The following RBFOX3 variants were observed in gnomAD, a reference collection of about 807,000 sequenced individuals.
RBFOX3 encodes RNA binding fox-1 homolog 3.
Under a neutral mutation model 48.7 loss-of-function variants are expected in RBFOX3, and 17 were observed. That is an observed-to-expected ratio of 0.35 (90% CI 0.24 to 0.52). RBFOX3 has a LOEUF of 0.52. Ranked by LOEUF, RBFOX3 falls within the 20% of genes least tolerant of loss-of-function variation. The pLI is 0.94. For missense variants in RBFOX3, 382 were observed against 497.5 expected, an observed-to-expected ratio of 0.77 and a Z score of 2.21; for synonymous variants, 212 against 209.5, an observed-to-expected ratio of 1.01 and a Z score of -0.10.
intron 1 of RBFOX3, among the ~76,000 whole-genome samples, chr17:79,507,132 G>C (rs2083264620): frequency 6.6e-6 from 1 of 152,110 alleles, no homozygotes; most frequent in African/African-American, 2.4e-5. Context: ...GGGGGAGGCT[G>C]GAGACACAGC....
chr17:79,445,052 G>T (rs545211115), intron 2 of RBFOX3, among the ~76,000 whole-genome samples: 12 of 152,046 alleles, frequency 7.9e-5, no homozygotes, highest in Admixed American at 2.0e-4. Flanking sequence ...CGTCCTCAAG[G>T]TTCATGTGTG....
intron 2 of RBFOX3, among the ~76,000 whole-genome samples, chr17:79,396,911 AC>A (rs755689115): frequency 1.6e-4 from 25 of 152,184 alleles, no homozygotes; most frequent in Non-Finnish European, 3.5e-4. Context: ...CCAGGGTGGG[AC>A]CTGTCATCCA....
chr17:79,416,703 C>T (rs1252423630), intron 2 of RBFOX3, among the ~76,000 whole-genome samples: 2 of 152,238 alleles, frequency 1.3e-5, no homozygotes, highest in Non-Finnish European at 2.9e-5. Flanking sequence ...GGCTGCCACT[C>T]AGGCTTCAGC....
chr17:79,466,714 C>T (rs377537556), intron 2 of RBFOX3, among the ~76,000 whole-genome samples: 7,296 of 152,284 alleles, frequency 0.048, 550 homozygotes, highest in African/African-American at 0.16. Flanking sequence ...ATTTTTCTCC[C>T]GGGCGGCAGG....
the RBFOX3 span, among the ~76,000 whole-genome samples, chr17:79,656,715 GAGAGAGAC>G: frequency 1.5e-5 from 2 of 136,426 alleles, no homozygotes; most frequent in Non-Finnish European, 3.1e-5. Context: ...GAAGGAGAGA[GAGAGAGAC>G]AGAAAGAAAG....
intron 1 of RBFOX3, among the ~76,000 whole-genome samples, chr17:79,513,277 G>A (rs1202393365): frequency 6.7e-6 from 1 of 150,304 alleles, no homozygotes; most frequent in East Asian, 2.0e-4. Context: ...ACACCCGAAT[G>A]CATGTCACCA....
chr17:79,155,003 G>A (rs2045456224), intron 4 of RBFOX3, among the ~76,000 whole-genome samples: 1 of 149,694 alleles, frequency 6.7e-6, no homozygotes, highest in Non-Finnish European at 1.5e-5. Flanking sequence ...GGAAGGGGTG[G>A]CAGCCGTGCC....
intron 3 of RBFOX3, among the ~76,000 whole-genome samples, chr17:79,261,139 G>A (rs577729931): frequency 1.6e-4 from 24 of 151,940 alleles, no homozygotes; most frequent in African/African-American, 4.3e-4. Flanking sequence ...CACGGCGTTC[G>A]CTCCTCGAGC....
At chr17:79,446,473 C>T (rs1555738417) in intron 2 of RBFOX3, among the ~76,000 whole-genome samples, 1 of 152,142 alleles carries the variant, frequency 6.6e-6, no homozygotes, top group Non-Finnish European at 1.5e-5. Context: ...GAGGCTCAGA[C>T]ATCAGACCAA....
intron 2 of RBFOX3, among the ~76,000 whole-genome samples, chr17:79,356,368 T>TTTTTTTTTTG (rs2085076144): frequency 1.0e-5 from 1 of 97,738 alleles, no homozygotes; most frequent in African/African-American, 3.8e-5. Context: ...TTTTTTTTTT[T>TTTTTTTTTTG]TTTTTTTTTT....
chr17:79,600,375 G>A (rs968930473), intron 1 of RBFOX3: 5 of 152,080 alleles, frequency 3.3e-5, no homozygotes, highest in Admixed American at 6.5e-5. Flanking sequence ...CAATCTACAC[G>A]TGTGCATGTG....
intron 4 of RBFOX3, among the ~76,000 whole-genome samples, chr17:79,126,780 C>A (rs759106679): frequency 2.6e-5 from 4 of 152,194 alleles, no homozygotes; most frequent in Non-Finnish European, 5.9e-5. Flanking sequence ...CTGACCGGCA[C>A]CCCGGACCTC....
chr17:79,595,717 A>G (rs934896028), intron 1 of RBFOX3, among the ~76,000 whole-genome samples: 6 of 152,222 alleles, frequency 3.9e-5, no homozygotes, highest in African/African-American at 1.4e-4. Flanking sequence ...GCTCCTATGC[A>G]TTCCAAAAAC....
chr17:79,561,789 G>A (rs1164965954), intron 1 of RBFOX3, among the ~76,000 whole-genome samples: 1 of 152,178 alleles, frequency 6.6e-6, no homozygotes, highest in Non-Finnish European at 1.5e-5. Flanking sequence ...GGGCACATGA[G>A]GGTAGGGACT....
At chr17:79,468,385 G>A (rs2076588941) in intron 2 of RBFOX3, among the ~76,000 whole-genome samples, 1 of 152,144 alleles carries the variant, frequency 6.6e-6, no homozygotes, top group South Asian at 2.1e-4. Flanking sequence ...TGGATGCATA[G>A]ACAGATGATG....
At position 79,111,427 on chromosome 17, in the gene RBFOX3, T is replaced by A. The variant is rs77455408; in HGVS notation, c.222+4067A>T. Among the ~76,000 whole-genome samples the A allele has an allele frequency of 6.6e-5, 10 of 152,308 alleles. No homozygotes were observed. Among genetic ancestry groups the A allele is most frequent in the Admixed American group, 3.9e-4 (6 of 15,304 alleles). ...TCCGTGCTTTGTCTGGCATTTTTTT[T>A]ATCTGCGTGCTAATCTCTCTCTCTT... On this transcript the variant is annotated intron_variant, in intron 5 of 14. Transcript: ENST00000693108. This position sits in a 1 kb window ranked among gnomAD's most constrained non-coding sequence, Gnocchi z 4.2.
In RBFOX3 at chr17:79,421,386, C is replaced by G. The variant is rs1274136045; in HGVS notation, c.-175+61068G>C. Reference sequence around the variant, plus strand: ...GGGGCTGCTTGAAGTGGATGGCCCCCTCAATGTGGAAGGAGGCTGGGCCTG... The same window carrying G: ...GGGGCTGCTTGAAGTGGATGGCCCCGTCAATGTGGAAGGAGGCTGGGCCTG... On this transcript the variant is annotated intron_variant, in intron 2 of 14. Coordinates refer to ENST00000693108, the MANE Select transcript of RBFOX3 (RefSeq NM_001350451.2). This position sits in a 1 kb window ranked among gnomAD's most constrained non-coding sequence, Gnocchi z 4.5. Among the ~76,000 whole-genome samples, 1 of 152,170 alleles carries G rather than the reference C, an allele frequency of 6.6e-6. No homozygotes were observed. The highest frequency in any genetic ancestry group is 6.5e-5 in the Admixed American group (1 of 15,280).
chr17:79,445,587 C>T (rs1261991420), intron 2 of RBFOX3, among the ~76,000 whole-genome samples: 1 of 152,234 alleles, frequency 6.6e-6, no homozygotes, highest in African/African-American at 2.4e-5. Context: ...CCTGTGATTT[C>T]CCTTCCTTGC....
At chr17:79,454,938 C>T (rs1293467792) in intron 2 of RBFOX3, among the ~76,000 whole-genome samples, 1 of 152,248 alleles carries the variant, frequency 6.6e-6, no homozygotes, top group Non-Finnish European at 1.5e-5. Flanking sequence ...TACCTGCACC[C>T]ACTCAGACTG....
Sources: allele counts gnomAD v4.1 joint callset (sites outside exome capture counted in the v4.1 genomes callset), GRCh38; gene constraint gnomAD v4.1.1; non-coding constraint Gnocchi (gnomAD v3.1); transcripts MANE v1.5; gene names NCBI Gene and HGNC (gene_info 2026-07-23, HGNC 2026-07-21).